The following KANSL3 variants were observed in gnomAD, a reference collection of about 807,000 sequenced individuals.
KANSL3 encodes NSL complex protein NSL3.
A neutral mutation model predicts 89.2 loss-of-function variants in KANSL3; 16 were observed. The observed-to-expected ratio is 0.18, with a 90% CI of 0.12 to 0.27. The LOEUF is 0.27. KANSL3 is among the 10% of genes least tolerant of loss of function. The probability of loss-of-function intolerance (pLI) is 1.00; values close to 1 mark genes in which losing one functional copy is unlikely to be tolerated. For synonymous variants in KANSL3, 385 were observed against 419.7 expected, an observed-to-expected ratio of 0.92 and a Z score of 1.01; for missense variants, 879 against 1,110.6, an observed-to-expected ratio of 0.79 and a Z score of 2.96.
the KANSL3 span, among the ~76,000 whole-genome samples, chr2:96,587,979 G>GA: frequency 1.3e-4 from 19 of 151,568 alleles, no homozygotes; most frequent in South Asian, 2.1e-4. Context: ...CAAACCAACA[G>GA]AAAAAAAACA....
chr2:96,635,225 T>A (rs544467833), intron 2 of KANSL3, among the ~76,000 whole-genome samples: 1 of 152,310 alleles, frequency 6.6e-6, no homozygotes, highest in African/African-American at 2.4e-5. Context: ...AGTGACTTCT[T>A]ACCACTCTTA....
downstream of KANSL3, among the ~76,000 whole-genome samples, chr2:96,591,669 T>C (rs146703597): frequency 2.6e-5 from 4 of 152,288 alleles, no homozygotes; most frequent in East Asian, 7.7e-4. Flanking sequence ...GATACTATGA[T>C]TGGACTGGGT....
At chr2:96,581,556 C>T in the KANSL3 span, among the ~76,000 whole-genome samples, 1 of 152,042 alleles carries the variant, frequency 6.6e-6, no homozygotes, top group East Asian at 1.9e-4. Context: ...AGTGCTTCAA[C>T]ATGCTGCTTT....
intron 3 of KANSL3, among the ~76,000 whole-genome samples, chr2:96,623,408 A>G (rs886938637): frequency 6.6e-6 from 1 of 152,180 alleles, no homozygotes; most frequent in Non-Finnish European, 1.5e-5. Context: ...CCCACCCCAC[A>G]AGATACTCTA....
intron 5 of KANSL3, among the ~76,000 whole-genome samples, chr2:96,618,885 T>C (rs1322303602): frequency 1.3e-5 from 2 of 152,254 alleles, no homozygotes; most frequent in African/African-American, 2.4e-5. Context: ...TATAATGATA[T>C]GTTTGTACTG....
Position 96,595,492 on chromosome 2 carries a change from G to T in KANSL3, c.*119C>A. On this transcript the variant is annotated 3_prime_UTR_variant, in exon 21 of 21. Coordinates refer to ENST00000431828, the MANE Select transcript of KANSL3 (RefSeq NM_001115016.3). ...AGACAGTTGGCGGAGAGGCAAAAATGACTGTCTTAAACAGGTCTTCCGACA... is the reference window on the plus strand; with the variant it reads ...AGACAGTTGGCGGAGAGGCAAAAATTACTGTCTTAAACAGGTCTTCCGACA... The T allele has an allele frequency of 9.7e-7, 1 of 1,028,746 alleles. No homozygotes were observed. The highest frequency in any genetic ancestry group is 1.6e-5 in the South Asian group (1 of 61,838). The allele number at this position is 1,028,746 out of a possible 1,614,324, so 63.7% of individuals were successfully genotyped here.
chr2:96,605,593 C>T (rs2067856956), intron 14 of KANSL3, 82 bp from the exon 15 acceptor site: 8 of 1,140,946 alleles, frequency 7.0e-6, no homozygotes, highest in Non-Finnish European at 1.0e-5. Flanking sequence ...ACCAACACAG[C>T]CATGTGTAGA....
At chr2:96,613,941 C>G (rs1033854769) in intron 5 of KANSL3, among the ~76,000 whole-genome samples, 14 of 151,980 alleles carry the variant, frequency 9.2e-5, no homozygotes, top group Admixed American at 7.2e-4. Flanking sequence ...AAAACACACA[C>G]AAAAGGATGG....
Position 96,602,340 on chromosome 2 carries a change from T to C in KANSL3, c.2260-2A>G. The C allele has an allele frequency of 6.2e-7, 1 of 1,602,940 alleles. No homozygotes were observed. Among genetic ancestry groups the C allele is most frequent in the Non-Finnish European group, 8.5e-7 (1 of 1,174,908 alleles). Reference sequence around the variant, plus strand: ...GGTGGGCAACTTCACACTGGTGGCCTGTGGGACACACAAGCCCAGGTGATC... The same window carrying C: ...GGTGGGCAACTTCACACTGGTGGCCCGTGGGACACACAAGCCCAGGTGATC... On this transcript the variant is annotated splice_acceptor_variant, in intron 18 of 20. Transcript: ENST00000431828. LOFTEE classifies it high-confidence loss of function.
At chr2:96,603,774 A>C (rs1282209251) in intron 17 of KANSL3, 1 of 152,858 alleles carries the variant, frequency 6.5e-6, no homozygotes, top group African/African-American at 2.4e-5. Flanking sequence ...GTAAAACCAC[A>C]GTCAGCTCTC....
At chr2:96,604,108 T>A (rs1237241096) in intron 17 of KANSL3, 142 bp downstream of exon 17, 1 of 876,366 alleles carries the variant, frequency 1.1e-6, no homozygotes, top group South Asian at 2.6e-5. Flanking sequence ...AATTCCAGCT[T>A]CACGTCAAGC....
chr2:96,607,171 C>T (rs1262491319), intron 14 of KANSL3: 2 of 448,478 alleles, frequency 4.5e-6, no homozygotes, highest in Admixed American at 5.7e-5. Context: ...TACTGCATGG[C>T]AACCTGACTC....
intron 9 of KANSL3, among the ~76,000 whole-genome samples, chr2:96,611,913 G>GTGTGTGTGTGTGTGTT (rs1397723058): frequency 3.4e-5 from 5 of 148,698 alleles, no homozygotes; most frequent in Non-Finnish European, 7.4e-5. Context: ...ATGTGTGTGT[G>GTGTGTGTGTGTGTGTT]TGTGTGTGTG....
chr2:96,637,359 GA>G (rs1168691490), intron 1 of KANSL3, 174 bp from the exon 2 acceptor site: 76 of 429,094 alleles, frequency 1.8e-4, no homozygotes, highest in East Asian at 8.6e-4. Flanking sequence ...CAAAAAAAAA[GA>G]AAAAAAAAAC....
At chr2:96,622,107 C>G (rs1290434440) in intron 3 of KANSL3, among the ~76,000 whole-genome samples, 2 of 136,960 alleles carry the variant, frequency 1.5e-5, no homozygotes, top group African/African-American at 5.0e-5. Context: ...GAGAGAGACT[C>G]CAGCTCAAAA....
chr2:96,617,524 G>A (rs991588475), intron 5 of KANSL3, among the ~76,000 whole-genome samples: 2 of 150,362 alleles, frequency 1.3e-5, no homozygotes, highest in Non-Finnish European at 2.9e-5. Context: ...AGCAAGATGA[G>A]CCAGCTTCCT....
At chr2:96,592,126 T>C (rs2066285991), downstream of KANSL3, among the ~76,000 whole-genome samples, 1 of 151,992 alleles carries the variant, frequency 6.6e-6, no homozygotes, top group Non-Finnish European at 1.5e-5. Flanking sequence ...CTCAAGTCAG[T>C]GAGACTAGAG....
In KANSL3 at chr2:96,602,255, A is replaced by C; in HGVS notation, c.2343T>G (p.Pro781=). 6.2e-7 allele frequency: 1 copy of C among 1,612,484 alleles called. No homozygotes were observed. The highest frequency in any genetic ancestry group is 8.5e-7 in the Non-Finnish European group (1 of 1,179,384). The stretch of plus-strand genomic sequence containing the variant: ...CCAAGGAGGAGAGAGTGGTGGCCAC[A>C]GGAATGGTACGGACAATGGTGCTGG... The part of the protein sequence containing the change: ...TGTSTIVRTI[P]VATTLSSLGA... The change falls in exon 19 of 21, where the codon CCT becomes CCG. Residue 781 remains proline, a synonymous_variant. Transcript: ENST00000431828.
chr2:96,626,118 T>C (rs1180396710), intron 3 of KANSL3, among the ~76,000 whole-genome samples: 1 of 152,208 alleles, frequency 6.6e-6, no homozygotes, highest in Non-Finnish European at 1.5e-5. Flanking sequence ...AGCCAAAATA[T>C]AACATTGGTC....
Sources: gnomAD v4.1 joint callset for allele counts (sites outside exome capture counted in the v4.1 genomes callset) on GRCh38, gnomAD v4.1.1 for gene constraint, MANE v1.5 for transcripts, NCBI Gene and HGNC (gene_info 2026-07-23, HGNC 2026-07-21) for gene names.